Variants in SETBP1 observed in about 807,000 individuals in gnomAD.
SETBP1 encodes the protein SET-binding protein.
In SETBP1, 9 loss-of-function variants were observed where a neutral mutation model predicts 101.0. That is an observed-to-expected ratio of 0.09 (90% CI 0.05 to 0.16). SETBP1 has a LOEUF of 0.16. SETBP1 is among the 10% of genes least tolerant of loss of function. The pLI is 1.00. For missense variants in SETBP1, 1,858 were observed against 2,033.8 expected, an observed-to-expected ratio of 0.91 and a Z score of 1.66; for synonymous variants, 818 against 788.5, an observed-to-expected ratio of 1.04 and a Z score of -0.63.
intron 1 of SETBP1, among the ~76,000 whole-genome samples, chr18:44,681,366 A>G (rs1374824931): frequency 6.6e-6 from 1 of 152,126 alleles, no homozygotes; most frequent in African/African-American, 2.4e-5. Flanking sequence ...AGTCAGGTAA[A>G]CTGGACCGGG....
intron 1 of SETBP1, among the ~76,000 whole-genome samples, chr18:44,685,413 A>G (rs2068820562): frequency 6.6e-6 from 1 of 152,164 alleles, no homozygotes. Context: ...CTCCGTTTAG[A>G]GGATGAGGCA....
At chr18:44,839,433 C>T (rs1023024320) in intron 2 of SETBP1, among the ~76,000 whole-genome samples, 3 of 151,428 alleles carry the variant, frequency 2.0e-5, no homozygotes, top group Admixed American at 6.6e-5. Context: ...GCTGCTGCTG[C>T]GAGGCTGCCC....
chr18:44,862,492 C>T (rs532015052), intron 2 of SETBP1, among the ~76,000 whole-genome samples: 26 of 152,280 alleles, frequency 1.7e-4, no homozygotes, highest in African/African-American at 4.1e-4. Context: ...ACCACCCCCG[C>T]GGTCTCTACA....
At chr18:44,798,174 G>A (rs1436928217) in intron 2 of SETBP1, among the ~76,000 whole-genome samples, 3 of 152,186 alleles carry the variant, frequency 2.0e-5, no homozygotes, top group African/African-American at 7.2e-5. Flanking sequence ...ATCCTTGGGT[G>A]CAGGGATGGA....
intron 3 of SETBP1, among the ~76,000 whole-genome samples, chr18:44,884,276 T>A (rs1418120973): frequency 6.6e-6 from 1 of 152,176 alleles, no homozygotes; most frequent in African/African-American, 2.4e-5. Flanking sequence ...GAGGGAACAA[T>A]ATTCACCTCA....
intron 2 of SETBP1, among the ~76,000 whole-genome samples, chr18:44,718,041 A>G (rs892174879): frequency 6.6e-6 from 1 of 152,226 alleles, no homozygotes; most frequent in African/African-American, 2.4e-5. Context: ...CCTGAAACTA[A>G]TAAGAGTTTT....
chr18:44,933,907 C>T (rs1166528024), intron 3 of SETBP1, among the ~76,000 whole-genome samples: 8 of 152,156 alleles, frequency 5.3e-5, no homozygotes, highest in South Asian at 4.1e-4. Flanking sequence ...CCAGGTGAGG[C>T]GATGCCCTGC....
At chr18:44,888,302 C>G (rs1483919312) in intron 3 of SETBP1, among the ~76,000 whole-genome samples, 1 of 152,096 alleles carries the variant, frequency 6.6e-6, no homozygotes, top group Non-Finnish European at 1.5e-5. Flanking sequence ...AAGGTCCCTT[C>G]TTAGCATCTA....
chr18:44,876,814 A>G (rs1302086102), intron 3 of SETBP1: 4 of 1,439,142 alleles, frequency 2.8e-6, no homozygotes, highest in South Asian at 1.6e-5. Flanking sequence ...CCATTCAACA[A>G]TGGAGACTTG....
At chr18:44,973,190 C>T (rs1293884349) in intron 4 of SETBP1, among the ~76,000 whole-genome samples, 1 of 152,142 alleles carries the variant, frequency 6.6e-6, no homozygotes, top group Non-Finnish European at 1.5e-5. Flanking sequence ...TATTGATTTG[C>T]ATATGTTGAA....
chr18:45,002,788 C>T (rs2072644460), intron 4 of SETBP1, among the ~76,000 whole-genome samples: 2 of 152,080 alleles, frequency 1.3e-5, no homozygotes, highest in Non-Finnish European at 2.9e-5. Context: ...GAAAGGTGTT[C>T]GTTTGTTTTA....
intron 3 of SETBP1, among the ~76,000 whole-genome samples, chr18:44,928,885 G>A (rs1464261442): frequency 1.3e-5 from 2 of 152,146 alleles, no homozygotes; most frequent in African/African-American, 4.8e-5. Flanking sequence ...TAGGTTGCCT[G>A]TTCACTCTGA....
At chr18:44,754,446 T>A (rs1416804067) in intron 2 of SETBP1, among the ~76,000 whole-genome samples, 3 of 152,258 alleles carry the variant, frequency 2.0e-5, no homozygotes, top group African/African-American at 7.2e-5. Context: ...TGATGTAGTT[T>A]GTCCATCATT....
At chr18:44,967,348 A>G (rs2071743232) in intron 4 of SETBP1, among the ~76,000 whole-genome samples, 1 of 152,218 alleles carries the variant, frequency 6.6e-6, no homozygotes, top group South Asian at 2.1e-4. Context: ...GTGTATGACT[A>G]TTCAGTAGCA....
At chr18:44,775,752 A>C (rs1017709128) in intron 2 of SETBP1, among the ~76,000 whole-genome samples, 1 of 150,752 alleles carries the variant, frequency 6.6e-6, no homozygotes, top group Admixed American at 6.6e-5. Context: ...ACAGTGAGTC[A>C]TAGAGACTGG....
chr18:44,729,702 G>T (rs2069791954), intron 2 of SETBP1, among the ~76,000 whole-genome samples: 1 of 152,204 alleles, frequency 6.6e-6, no homozygotes, highest in Admixed American at 6.5e-5. Flanking sequence ...TTAAAACCAT[G>T]GGTGTGGCTT....
intron 1 of SETBP1, among the ~76,000 whole-genome samples, chr18:44,698,971 T>G (rs1159446109): frequency 2.0e-5 from 3 of 152,234 alleles, no homozygotes; most frequent in Non-Finnish European, 4.4e-5. Flanking sequence ...GTGAATCTTT[T>G]TTTAATGGAA....
At chr18:44,908,884 T>C (rs898632382) in intron 3 of SETBP1, among the ~76,000 whole-genome samples, 4 of 152,234 alleles carry the variant, frequency 2.6e-5, no homozygotes, top group African/African-American at 9.6e-5. Context: ...CAAATCCACA[T>C]TTTATATTGT....
At chr18:45,016,466 C>T (rs971558816) in intron 4 of SETBP1, among the ~76,000 whole-genome samples, 2 of 152,112 alleles carry the variant, frequency 1.3e-5, no homozygotes, top group African/African-American at 2.4e-5. Context: ...AGTTCCCTGT[C>T]GCGGCGGAAC....
Sources: allele counts gnomAD v4.1 joint callset (sites outside exome capture counted in the v4.1 genomes callset), GRCh38; gene constraint gnomAD v4.1.1; transcripts MANE v1.5; gene names NCBI Gene and HGNC (gene_info 2026-07-23, HGNC 2026-07-21).